Variants in ISM1 observed in about 807,000 individuals in gnomAD.
The protein encoded by ISM1 is isthmin 1, also known as isthmin-1.
Under a neutral mutation model 46.3 loss-of-function variants are expected in ISM1, and 25 were observed. That is an observed-to-expected ratio of 0.54 (90% confidence interval 0.39 to 0.75). ISM1 has a LOEUF of 0.75. Ranked by LOEUF, ISM1 falls within the 30% of genes least tolerant of loss-of-function variation. The probability of loss-of-function intolerance (pLI) is 0.00; values close to 1 mark genes in which losing one functional copy is unlikely to be tolerated. For missense variants in ISM1, 536 were observed against 625.4 expected, an observed-to-expected ratio of 0.86 and a Z score of 1.52; for synonymous variants, 255 against 256.7, an observed-to-expected ratio of 0.99 and a Z score of 0.06.
intron 1 of ISM1, among the ~76,000 whole-genome samples, chr20:13,247,408 A>G (rs1220319183): frequency 2.0e-5 from 3 of 151,974 alleles, no homozygotes; most frequent in Non-Finnish European, 1.5e-5. Flanking sequence ...CATCTGATGA[A>G]GTTATCAGTG....
At chr20:13,248,611 G>A (rs1163341263) in intron 1 of ISM1, among the ~76,000 whole-genome samples, 2 of 152,214 alleles carry the variant, frequency 1.3e-5, no homozygotes, top group Non-Finnish European at 2.9e-5. Flanking sequence ...TTCTTCACAT[G>A]TAGCTGGGGT....
At chr20:13,303,841 T>C (rs2040478450), downstream of ISM1, among the ~76,000 whole-genome samples, 1 of 152,208 alleles carries the variant, frequency 6.6e-6, no homozygotes, top group African/African-American at 2.4e-5. Flanking sequence ...TGGTAAGTGA[T>C]ATAAAGTCAA....
chr20:13,317,422 A>T, the ISM1 span, among the ~76,000 whole-genome samples: 1 of 152,166 alleles, frequency 6.6e-6, no homozygotes, highest in Admixed American at 6.5e-5. Context: ...AAGTTATTTC[A>T]TAGATATCAA....
At chr20:13,269,406 T>C (rs16993894) in intron 1 of ISM1, among the ~76,000 whole-genome samples, 20,228 of 152,234 alleles carry the variant, frequency 0.13, 1,384 homozygotes, top group East Asian at 0.22. Context: ...ACAGTGGGCT[T>C]GCACTTTTCA....
At chr20:13,292,177 A>G (rs1003359040) in intron 4 of ISM1, among the ~76,000 whole-genome samples, 197 bp from the exon 5 acceptor site, 1 of 152,178 alleles carries the variant, frequency 6.6e-6, no homozygotes, top group East Asian at 1.9e-4. Context: ...CACGTTGCCA[A>G]TGTATCTGGG....
chr20:13,283,828 A>T (rs560362451), intron 3 of ISM1, among the ~76,000 whole-genome samples: 1 of 150,038 alleles, frequency 6.7e-6, no homozygotes, highest in Non-Finnish European at 1.5e-5. Context: ...ACTGGTCATA[A>T]CCCTATTTTA....
chr20:13,295,236 A>G (rs1433974227), intron 5 of ISM1, among the ~76,000 whole-genome samples: 1 of 152,130 alleles, frequency 6.6e-6, no homozygotes, highest in Admixed American at 6.5e-5. Context: ...CTCCCAGAGT[A>G]TCTCACCTGG....
chr20:13,246,208 G>A lies in ISM1; in HGVS notation c.138+24294G>A, dbSNP rs192793684. ...GAATCACTTGAACCCAGGAGGCGGA[G>A]GTTGCAGTGAGCCAAGATCATGCCA... On this transcript the variant is annotated intron_variant, in intron 1 of 5. Coordinates refer to ENST00000262487, the MANE Select transcript of ISM1 (RefSeq NM_080826.2). 2.5e-3 allele frequency among the ~76,000 whole-genome samples: 380 copies of A among 151,790 alleles called. 6 individuals are homozygous for A. The highest frequency in any genetic ancestry group is 0.024 in the Admixed American group (373 of 15,242).
At chr20:13,247,888 C>T (rs1246644981) in intron 1 of ISM1, among the ~76,000 whole-genome samples, 1 of 152,240 alleles carries the variant, frequency 6.6e-6, no homozygotes, top group East Asian at 1.9e-4. Flanking sequence ...AGAACAAAAT[C>T]CTCTAACCAC....
chr20:13,316,899 A>G, the ISM1 span, among the ~76,000 whole-genome samples: 1 of 151,930 alleles, frequency 6.6e-6, no homozygotes, highest in Non-Finnish European at 1.5e-5. Context: ...CCTTCTCACC[A>G]TTCCTTTTCA....
intron 1 of ISM1, among the ~76,000 whole-genome samples, chr20:13,255,117 G>A (rs116327537): frequency 0.017 from 2,550 of 152,316 alleles, 30 homozygotes; most frequent in Non-Finnish European, 0.022. Flanking sequence ...CAGAATGATA[G>A]AGGGGAGCTT....
chr20:13,287,199 A>G (rs563993755), intron 3 of ISM1, among the ~76,000 whole-genome samples: 49 of 152,318 alleles, frequency 3.2e-4, no homozygotes. Flanking sequence ...TAATGGACTC[A>G]CAGTTCCACA....
chr20:13,298,586 TA>T (rs1358672486), intron 5 of ISM1, among the ~76,000 whole-genome samples: 6 of 152,166 alleles, frequency 3.9e-5, no homozygotes, highest in Non-Finnish European at 8.8e-5. Context: ...ATAAAACAAA[TA>T]TAATAATAGT....
At position 13,292,682 on chromosome 20, in the gene ISM1, T is replaced by C. The variant is rs147534094; in HGVS notation, c.877+219T>C. On this transcript the variant is annotated intron_variant, in intron 5 of 5. Coordinates refer to ENST00000262487, the MANE Select transcript of ISM1 (RefSeq NM_080826.2). ...CCGAGCGCTTCTGTGTTCACTCTGCTCTCTATGCAGCCTTCACAGCCAGAG... is the reference window on the plus strand; with the variant it reads ...CCGAGCGCTTCTGTGTTCACTCTGCCCTCTATGCAGCCTTCACAGCCAGAG... Among the ~76,000 whole-genome samples, 31 of 152,182 alleles carry C rather than the reference T, an allele frequency of 2.0e-4. 1 individual carries two copies. Among genetic ancestry groups the C allele is most frequent in the Middle Eastern group, 3.4e-3 (1 of 294 alleles).
chr20:13,266,917 G>C (rs949582511), intron 1 of ISM1, among the ~76,000 whole-genome samples: 6 of 152,186 alleles, frequency 3.9e-5, no homozygotes, highest in African/African-American at 1.4e-4. Flanking sequence ...GGACCTCCAA[G>C]GGGGGCTCTG....
chr20:13,288,540 A>C lies in ISM1; in HGVS notation c.644A>C (p.Asp215Ala), dbSNP rs759400524. 6.2e-7 allele frequency: 1 copy of C among 1,613,502 alleles called. No homozygotes were observed. The highest frequency in any genetic ancestry group is 8.5e-7 in the Non-Finnish European group (1 of 1,179,562). The change falls in exon 4 of 6, where the codon GAT becomes GCT. Residue 215 changes from aspartate (D) to alanine (A), a missense_variant and splice_region_variant. Physicochemically the swap from Asp to Ala is moderately radical, Grantham distance 126 (BLOSUM62 -2). This residue lies in a region of ISM1 where 367 missense variants were observed against 376.1 expected (regional missense o/e 0.98). Transcript: ENST00000262487. ...TFETKDQPEYDSTDGEGDWSL... is the reference protein window; with the variant it reads ...TFETKDQPEYASTDGEGDWSL... ...GACCATCTCCCTGGCTGTCTTCCAG[A>C]TTCCACAGATGGCGAGGGTGACTGG...
intron 2 of ISM1, among the ~76,000 whole-genome samples, chr20:13,274,260 G>A (rs2040149442): frequency 6.6e-6 from 1 of 152,108 alleles, no homozygotes; most frequent in South Asian, 2.1e-4. Flanking sequence ...TCAGAGCACT[G>A]TTCTTTTGTT....
intron 1 of ISM1, among the ~76,000 whole-genome samples, chr20:13,222,659 C>T (rs2039465083): frequency 6.6e-6 from 1 of 152,168 alleles, no homozygotes; most frequent in Non-Finnish European, 1.5e-5. Context: ...TTCTGTTTAT[C>T]CATTTCAACT....
the ISM1 span, among the ~76,000 whole-genome samples, chr20:13,322,686 T>A: frequency 7.0e-4 from 107 of 152,264 alleles, no homozygotes; most frequent in Non-Finnish European, 1.2e-3. Flanking sequence ...GGAGACAGGA[T>A]AAGGAATAGC....
Sources: allele counts gnomAD v4.1 joint callset (sites outside exome capture counted in the v4.1 genomes callset), GRCh38; gene constraint gnomAD v4.1.1; regional missense constraint gnomAD v4.1.1; transcripts MANE v1.5; gene names NCBI Gene and HGNC (gene_info 2026-07-23, HGNC 2026-07-21).